WRN: variants seen among roughly 807,000 people sequenced by gnomAD.
WRN encodes the protein bifunctional 3'-5' exonuclease/ATP-dependent helicase WRN.
A neutral mutation model predicts 180.7 loss-of-function variants in WRN; 149 were observed. That is an observed-to-expected ratio of 0.82 (90% confidence interval 0.72 to 0.94). The LOEUF is 0.94. Among genes scored for constraint, WRN ranks in the 40% least tolerant of loss-of-function variants. WRN has a pLI of 0.00. For synonymous variants in WRN, 548 were observed against 568.9 expected (o/e 0.96, Z 0.52); for missense variants, 1,661 against 1,700.1 (o/e 0.98, Z 0.40).
At chr8:31,111,176 A>G (rs1270494865) in intron 18 of WRN, among the ~76,000 whole-genome samples, 3 of 152,076 alleles carry the variant, frequency 2.0e-5, no homozygotes, top group South Asian at 4.1e-4. Flanking sequence ...AAAAACGACC[A>G]TTGCTTTATA....
chr8:31,099,856 A>T (rs1331486172), intron 17 of WRN, among the ~76,000 whole-genome samples: 1 of 152,138 alleles, frequency 6.6e-6, no homozygotes, highest in Admixed American at 6.6e-5. Flanking sequence ...GCATCTAGAA[A>T]ATGTTAGGTA....
chr8:31,075,245 A>G (rs1813053847), intron 7 of WRN, among the ~76,000 whole-genome samples: 1 of 152,204 alleles, frequency 6.6e-6, no homozygotes, highest in African/African-American at 2.4e-5. Context: ...GCTCTGTCTC[A>G]TAGGCCTCAG....
chr8:31,058,596 CTG>C (rs1812366843), intron 2 of WRN, 53 bp downstream of exon 2: 1 of 1,558,914 alleles, frequency 6.4e-7, no homozygotes, highest in Admixed American at 1.8e-5. Flanking sequence ...TTATATTTGA[CTG>C]TGCAAAGAGT....
rs1007351995 is a variant in WRN, at chr8:31,088,064, T to G, written c.1576+144T>G. On this transcript the variant is annotated intron_variant, in intron 12 of 34. Transcript: ENST00000298139. Reference sequence around the variant, plus strand: ...GGATCCTTATAAGCTTTTGTCTCCTTAGTGCTTTTGTCTCCATAAAGCACA... The same window carrying G: ...GGATCCTTATAAGCTTTTGTCTCCTGAGTGCTTTTGTCTCCATAAAGCACA... 2.8e-6 allele frequency: 4 copies of G among 1,433,422 alleles called. No homozygotes were observed. The African/African-American group carries it at 4.3e-5, about 15-fold the overall frequency. 88.8% of individuals were successfully genotyped at this position (1,433,422 alleles called of 1,614,324 possible).
intron 23 of WRN, among the ~76,000 whole-genome samples, chr8:31,125,996 A>C (rs924534043): frequency 1.4e-5 from 2 of 145,034 alleles, no homozygotes; most frequent in South Asian, 2.2e-4. Context: ...ATATATATAT[A>C]TATCTACTTA....
intron 1 of WRN, among the ~76,000 whole-genome samples, chr8:31,046,809 G>C (rs556007084): frequency 2.4e-4 from 37 of 152,276 alleles, no homozygotes; most frequent in African/African-American, 8.2e-4. Context: ...TGCTTTTGCT[G>C]TTCATTCATA....
chr8:31,143,714 A>C, intron 28 of WRN, 91 bp downstream of exon 28: 1 of 912,260 alleles, frequency 1.1e-6, no homozygotes, highest in Non-Finnish European at 1.7e-6. Context: ...GGGCTATTTC[A>C]TTGGCAAAAG....
At chr8:31,064,737 T>C (rs1476849702) in intron 4 of WRN, among the ~76,000 whole-genome samples, 178 bp from the exon 5 acceptor site, 1 of 152,218 alleles carries the variant, frequency 6.6e-6, no homozygotes, top group Non-Finnish European at 1.5e-5. Context: ...TATTTTTTCT[T>C]GTCATTTATC....
intron 1 of WRN, among the ~76,000 whole-genome samples, chr8:31,052,576 C>T (rs370812467): frequency 9.9e-5 from 15 of 151,964 alleles, no homozygotes; most frequent in Admixed American, 2.6e-4. Context: ...TTAGTAGAGA[C>T]GGGGTTTCGC....
At chr8:31,052,089 A>G (rs998207467) in intron 1 of WRN, among the ~76,000 whole-genome samples, 1 of 152,240 alleles carries the variant, frequency 6.6e-6, no homozygotes, top group Non-Finnish European at 1.5e-5. Context: ...CTGGCCTGTA[A>G]GGCCTAGAAT....
chr8:31,146,594 G>C (rs967668957), intron 28 of WRN, among the ~76,000 whole-genome samples: 1 of 151,904 alleles, frequency 6.6e-6, no homozygotes, highest in Non-Finnish European at 1.5e-5. Flanking sequence ...AATGCTTCTT[G>C]TTCTCTTCTT....
At position 31,100,856 on chromosome 8, in the gene WRN, G is replaced by T. The variant is rs201982706; in HGVS notation, c.1989G>T (p.Thr663=). ...GTTTTTCTTTTTTTACAGGTATCAC[G>T]CTCATTGCTGTGGATGAGGCTCACT... ...LQQLEADIGI[T]LIAVDEAHCI... The change falls in exon 18 of 35, where the codon ACG becomes ACT. Residue 663 remains threonine (T), a synonymous_variant. Coordinates refer to ENST00000298139, the MANE Select transcript of WRN (RefSeq NM_000553.6). The T allele has an allele frequency of 6.2e-7, 1 of 1,612,908 alleles. No individual in the cohort carries two copies. The highest frequency in any genetic ancestry group is 2.2e-5 in the East Asian group (1 of 44,842).
intron 8 of WRN, among the ~76,000 whole-genome samples, chr8:31,080,151 G>A (rs879889194): frequency 1.3e-5 from 2 of 152,150 alleles, no homozygotes; most frequent in African/African-American, 2.4e-5. Flanking sequence ...AAAGTGCTGG[G>A]ATTACAGGCA....
intron 23 of WRN, among the ~76,000 whole-genome samples, chr8:31,125,853 G>A (rs151329756): frequency 2.0e-4 from 30 of 151,004 alleles, no homozygotes; most frequent in Non-Finnish European, 1.0e-4. Flanking sequence ...TGTTAATCAC[G>A]TCTACAAAAT....
At chr8:31,064,818 A>G (rs971264760) in intron 4 of WRN, 97 bp from the exon 5 acceptor site, 2 of 1,386,744 alleles carry the variant, frequency 1.4e-6, no homozygotes, top group African/African-American at 2.9e-5. Flanking sequence ...ATTACTGTTA[A>G]ATACAAATTT....
intron 17 of WRN, among the ~76,000 whole-genome samples, chr8:31,099,128 G>T (rs1585452708): frequency 6.6e-6 from 1 of 151,526 alleles, no homozygotes; most frequent in South Asian, 2.1e-4. Flanking sequence ...GCTGGGAGTG[G>T]TGGCTCACAC....
chr8:31,113,929 A>G lies in WRN; in HGVS notation c.2273+2130A>G, dbSNP rs1585474993. ...GAATACCTTTCTGGAACTCCTTACT[A>G]GGAAATAAAGACCAGACTCAGTGTA... On this transcript the variant is annotated intron_variant, in intron 19 of 34. Coordinates refer to ENST00000298139, the MANE Select transcript of WRN (RefSeq NM_000553.6). 2.0e-5 allele frequency among the ~76,000 whole-genome samples: 3 copies of G among 152,214 alleles called. No homozygotes were observed. The South Asian group carries it at 6.2e-4, about 32-fold the overall frequency.
At chr8:31,090,134 C>G (rs1318661254) in intron 13 of WRN, among the ~76,000 whole-genome samples, 1 of 150,990 alleles carries the variant, frequency 6.6e-6, no homozygotes, top group Non-Finnish European at 1.5e-5. Flanking sequence ...CCCTTATTTC[C>G]CTTTTCAGTC....
chr8:31,064,956 G>T lies in WRN; in HGVS notation c.397G>T (p.Val133Phe). ...GLKMLLENKA[V>F]KKAGVGIEGD... ...AAAAATGTTGCTTGAAAATAAAGCA[G>T]TTAAAAAGGCAGGTGTAGGAATTGA... is the stretch of plus-strand genomic sequence containing the variant. The change falls in exon 5 of 35, where the codon GTT (valine) becomes TTT (phenylalanine). Residue 133 changes from valine to phenylalanine, a missense_variant. Transcript: ENST00000298139. 1 of 1,613,636 alleles carries T rather than the reference G, an allele frequency of 6.2e-7. No individual in the cohort carries two copies. Among genetic ancestry groups the T allele is most frequent in the Non-Finnish European group, 8.5e-7 (1 of 1,179,764 alleles).
Sources: allele counts gnomAD v4.1 joint callset (sites outside exome capture counted in the v4.1 genomes callset), GRCh38; gene constraint gnomAD v4.1.1; transcripts MANE v1.5; gene names NCBI Gene and HGNC (gene_info 2026-07-23, HGNC 2026-07-21).